Variants in SNX30 observed in about 807,000 individuals in gnomAD.
SNX30 encodes sorting nexin-30.
Under a neutral mutation model 46.4 loss-of-function variants are expected in SNX30, and 24 were observed. That is an observed-to-expected ratio of 0.52 (90% CI 0.37 to 0.73). The LOEUF (loss-of-function observed/expected upper bound fraction) is 0.73, where lower values mean the gene tolerates loss of function less well. Among genes scored for constraint, SNX30 ranks in the 30% least tolerant of loss-of-function variants. SNX30 has a pLI of 0.00. For synonymous variants in SNX30, 189 were observed against 211.5 expected, an observed-to-expected ratio of 0.89 and a Z score of 0.92; for missense variants, 533 against 555.7, an observed-to-expected ratio of 0.96 and a Z score of 0.41.
At chr9:112,796,910 G>A (rs1432881519) in intron 1 of SNX30, among the ~76,000 whole-genome samples, 2 of 152,028 alleles carry the variant, frequency 1.3e-5, no homozygotes, top group Non-Finnish European at 2.9e-5. Context: ...TTGCATGGGG[G>A]CTAGGTCATA....
At position 112,869,305 on chromosome 9, in the gene SNX30, G is replaced by C. The variant is rs1362995471; in HGVS notation, c.*462G>C. Reference sequence around the variant, plus strand: ...CCTGGCCCCTCTGGAATTGGCCTCTGTGGGCATTGACTCGTCTTGGCCTAG... The same window carrying C: ...CCTGGCCCCTCTGGAATTGGCCTCTCTGGGCATTGACTCGTCTTGGCCTAG... On this transcript the variant is annotated 3_prime_UTR_variant, in exon 9 of 9. Coordinates refer to ENST00000374232, the MANE Select transcript of SNX30 (RefSeq NM_001012994.2). 1 of 200,072 alleles carries C rather than the reference G, an allele frequency of 5.0e-6. No individual in the cohort carries two copies. Among genetic ancestry groups the C allele is most frequent in the Non-Finnish European group, 1.0e-5 (1 of 95,848 alleles). 12.4% of individuals were successfully genotyped at this position (200,072 alleles called of 1,614,324 possible).
chr9:112,868,683 C>G lies in SNX30; in HGVS notation c.1255-101C>G, dbSNP rs1841399182. ...GCAGGCATCATTAGACAAAGGTAAC[C>G]CAGCAGGATCGACAACGAAAGGGTA... On this transcript the variant is annotated intron_variant, in intron 8 of 8. Coordinates refer to ENST00000374232, the MANE Select transcript of SNX30 (RefSeq NM_001012994.2). 8.1e-6 allele frequency: 10 copies of G among 1,234,842 alleles called. 1 individual carries two copies. In the South Asian group the frequency reaches 1.1e-4, roughly 14 times the overall value. The allele number at this position is 1,234,842 out of a possible 1,614,324, so 76.5% of individuals were successfully genotyped here.
At chr9:112,795,758 A>G (rs1196395359) in intron 1 of SNX30, among the ~76,000 whole-genome samples, 1 of 80,776 alleles carries the variant, frequency 1.2e-5, no homozygotes, top group East Asian at 3.9e-4. Flanking sequence ...ACACACTCAC[A>G]GTACAGTCAC....
At chr9:112,865,016 A>T (rs1361770892) in intron 8 of SNX30, among the ~76,000 whole-genome samples, 3 of 144,542 alleles carry the variant, frequency 2.1e-5, no homozygotes, top group Non-Finnish European at 4.6e-5. Flanking sequence ...CACACACCCC[A>T]CTACCACCAC....
intron 7 of SNX30, 145 bp from the exon 8 acceptor site, chr9:112,864,102 C>A: frequency 1.2e-6 from 1 of 868,550 alleles, no homozygotes; most frequent in Non-Finnish European, 1.8e-6. Context: ...GTTTTGCTTT[C>A]AAATAAATGC....
intron 6 of SNX30, among the ~76,000 whole-genome samples, chr9:112,843,781 A>C (rs549723798): frequency 3.1e-4 from 47 of 152,016 alleles, no homozygotes; most frequent in African/African-American, 9.7e-4. Flanking sequence ...CGCCCGGCTA[A>C]TTTTTGTATT....
chr9:112,860,567 C>T (rs1841209676), intron 7 of SNX30, among the ~76,000 whole-genome samples: 1 of 152,156 alleles, frequency 6.6e-6, no homozygotes, highest in South Asian at 2.1e-4. Flanking sequence ...GTTCTGTCTC[C>T]ACCAGGTTGG....
At chr9:112,878,870 C>G (rs1841545223), downstream of SNX30, 1 of 152,194 alleles carries the variant, frequency 6.6e-6, no homozygotes, top group African/African-American at 2.4e-5. Flanking sequence ...AACATCAAGT[C>G]TGTAGTCACA....
chr9:112,845,680 G>C (rs112408352), intron 6 of SNX30, among the ~76,000 whole-genome samples: 2 of 152,120 alleles, frequency 1.3e-5, no homozygotes, highest in Non-Finnish European at 2.9e-5. Context: ...AAATCTGGAC[G>C]GGCCAAGAGA....
Position 112,804,865 on chromosome 9 carries a change from T to G in SNX30, c.246T>G (p.Asp82Glu), listed in dbSNP as rs1286595651. 1 of 1,614,016 alleles carries G rather than the reference T, an allele frequency of 6.2e-7. No individual in the cohort carries two copies. Among genetic ancestry groups the G allele is most frequent in the Admixed American group, 1.7e-5 (1 of 60,010 alleles). Residue 82 changes from aspartate to glutamate, a missense_variant, in exon 2 of 9, where the codon GAT becomes GAG. By Grantham distance (45) the Asp-to-Glu change is conservative. Around this residue, in one of 3 missense-constraint regions of SNX30, gnomAD observed 191 missense variants for 160.3 expected, o/e 1.19. Transcript: ENST00000374232. ...TTCTCAACAGACTTCAGCTTGATGA[T>G]GATATTGATGGTGAGACTAGAGATC... is the stretch of plus-strand genomic sequence containing the variant. ...SSLLNRLQLD[D>E]DIDGETRDLF...
At chr9:112,761,459 G>A (rs977615383) in intron 1 of SNX30, among the ~76,000 whole-genome samples, 20 of 152,160 alleles carry the variant, frequency 1.3e-4, no homozygotes, top group African/African-American at 1.7e-4. Context: ...CACTGCTCCC[G>A]GCCCCAAGAG....
chr9:112,757,040 C>T (rs1184263364), intron 1 of SNX30, among the ~76,000 whole-genome samples: 1 of 152,158 alleles, frequency 6.6e-6, no homozygotes, highest in Non-Finnish European at 1.5e-5. Context: ...AAGTACAGTA[C>T]AATTTTATTA....
chr9:112,864,213 G>A lies in SNX30; in HGVS notation c.1102-34G>A, dbSNP rs757492432. The A allele has an allele frequency of 4.0e-5, 64 of 1,611,008 alleles. 1 individual carries two copies. Among genetic ancestry groups the A allele is most frequent in the Middle Eastern group, 1.9e-4 (1 of 5,230 alleles). On this transcript the variant is annotated intron_variant, in intron 7 of 8. Transcript: ENST00000374232. ...TCAAGGCAAGAGATGCCAGTTTTGT[G>A]TGCAGGGCACCCATGTGTGCCTCCC...
chr9:112,758,380 A>C (rs1398203763), intron 1 of SNX30, among the ~76,000 whole-genome samples: 1 of 151,868 alleles, frequency 6.6e-6, no homozygotes, highest in Non-Finnish European at 1.5e-5. Flanking sequence ...CCCAGACTGG[A>C]GTGCAGTGGC....
chr9:112,834,861 CA>C (rs1564285782), intron 4 of SNX30, among the ~76,000 whole-genome samples: 43 of 145,624 alleles, frequency 3.0e-4, no homozygotes, highest in Non-Finnish European at 5.9e-4. Flanking sequence ...CACACACACA[CA>C]CACACACACA....
intron 1 of SNX30, among the ~76,000 whole-genome samples, chr9:112,779,472 A>C (rs1222231366): frequency 2.6e-5 from 4 of 152,118 alleles, no homozygotes; most frequent in Non-Finnish European, 4.4e-5. Context: ...TGAGGTGGGC[A>C]GATCACTTGA....
At chr9:112,836,996 A>G (rs188876260) in intron 5 of SNX30, among the ~76,000 whole-genome samples, 2 of 152,128 alleles carry the variant, frequency 1.3e-5, no homozygotes, top group Non-Finnish European at 2.9e-5. Flanking sequence ...ACATCCCATA[A>G]TGTTGGGATC....
chr9:112,827,713 A>G (rs532204255), intron 3 of SNX30, among the ~76,000 whole-genome samples: 2 of 152,286 alleles, frequency 1.3e-5, no homozygotes, highest in South Asian at 2.1e-4. Context: ...ATTTTAAAAA[A>G]TCCTCTTTAT....
At chr9:112,843,447 G>T (rs768818925) in intron 6 of SNX30, among the ~76,000 whole-genome samples, 3 of 152,056 alleles carry the variant, frequency 2.0e-5, no homozygotes, top group Non-Finnish European at 4.4e-5. Flanking sequence ...AGTGAGCTGC[G>T]CAAGGGTCGG....
Sources: allele counts gnomAD v4.1 joint callset (sites outside exome capture counted in the v4.1 genomes callset), GRCh38; gene constraint gnomAD v4.1.1; regional missense constraint gnomAD v4.1.1; transcripts MANE v1.5; gene names NCBI Gene and HGNC (gene_info 2026-07-23, HGNC 2026-07-21).